The following SBF2 variants were observed in gnomAD, a reference collection of about 807,000 sequenced individuals.
The protein encoded by SBF2 is myotubularin-related protein 13.
SBF2 carries 112 observed loss-of-function variants against 225.2 expected under a neutral mutation model. That is an observed-to-expected ratio of 0.50 (90% CI 0.43 to 0.58). The LOEUF is 0.58. Ranked by LOEUF, SBF2 falls within the 20% of genes least tolerant of loss-of-function variation. The pLI is 0.00. For missense variants in SBF2, 1,996 were observed against 2,206.2 expected (o/e 0.90, Z 1.91); for synonymous variants, 763 against 773.3 (o/e 0.99, Z 0.22).
chr11:10,231,337 TC>T (rs1274426691), intron 1 of SBF2, among the ~76,000 whole-genome samples: 3 of 152,216 alleles, frequency 2.0e-5, no homozygotes, highest in Non-Finnish European at 2.9e-5. Context: ...CCAGCTGTGT[TC>T]CGTTGCTGGT....
At chr11:9,873,205 C>CAAA (rs56013344) in intron 17 of SBF2, among the ~76,000 whole-genome samples, 24 of 60,628 alleles carry the variant, frequency 4.0e-4, no homozygotes, top group African/African-American at 6.0e-4. Context: ...GACTCTGTCT[C>CAAA]AAAAAAAAAA....
At chr11:10,231,396 G>A (rs368502302) in intron 1 of SBF2, among the ~76,000 whole-genome samples, 2 of 152,258 alleles carry the variant, frequency 1.3e-5, no homozygotes, top group South Asian at 4.2e-4. Context: ...GATTTTTAGA[G>A]TCTCTGGTTT....
chr11:9,849,591 AT>A (rs1856782905), intron 22 of SBF2, among the ~76,000 whole-genome samples: 1 of 152,190 alleles, frequency 6.6e-6, no homozygotes, highest in African/African-American at 2.4e-5. Flanking sequence ...GGGAAGTGGG[AT>A]TAGTTGGTGC....
intron 2 of SBF2, among the ~76,000 whole-genome samples, chr11:10,172,919 T>C (rs1389268219): frequency 6.6e-6 from 1 of 151,826 alleles, no homozygotes; most frequent in East Asian, 1.9e-4. Context: ...CCGCCCACCT[T>C]GGCCTCCCAA....
chr11:9,944,921 C>T (rs1865478307), intron 16 of SBF2, among the ~76,000 whole-genome samples: 2 of 151,996 alleles, frequency 1.3e-5, no homozygotes, highest in Admixed American at 1.3e-4. Context: ...ACTTGGGCAA[C>T]AAAGTGAGAC....
At chr11:9,906,006 G>T (rs58982478) in intron 16 of SBF2, among the ~76,000 whole-genome samples, 2 of 152,120 alleles carry the variant, frequency 1.3e-5, no homozygotes, top group Non-Finnish European at 2.9e-5. Context: ...TCTCTGCAAG[G>T]TCTCCATCCT....
intron 2 of SBF2, among the ~76,000 whole-genome samples, chr11:10,071,057 T>C (rs1429962315): frequency 6.6e-6 from 1 of 152,184 alleles, no homozygotes; most frequent in Non-Finnish European, 1.5e-5. Flanking sequence ...AAGGAGGTTT[T>C]GGGCTGAGAC....
chr11:10,149,512 T>C (rs889396314), intron 2 of SBF2: 4 of 152,222 alleles, frequency 2.6e-5, no homozygotes, highest in African/African-American at 9.7e-5. Flanking sequence ...ACTTCTTTTC[T>C]TAAACCTTCA....
intron 1 of SBF2, among the ~76,000 whole-genome samples, chr11:10,267,292 A>G (rs1305861600): frequency 6.6e-6 from 1 of 151,546 alleles, no homozygotes; most frequent in East Asian, 2.0e-4. Context: ...TTAACTTTTA[A>G]AGAAATAAGT....
intron 6 of SBF2, among the ~76,000 whole-genome samples, 167 bp from the exon 7 acceptor site, chr11:10,002,856 C>T (rs1034777077): frequency 2.6e-5 from 4 of 152,192 alleles, no homozygotes; most frequent in Admixed American, 2.6e-4. Flanking sequence ...TTTGTTTTCC[C>T]AAACTTTCAG....
At chr11:9,901,871 C>T (rs1355945702) in intron 16 of SBF2, among the ~76,000 whole-genome samples, 4 of 152,162 alleles carry the variant, frequency 2.6e-5, no homozygotes, top group Non-Finnish European at 5.9e-5. Context: ...AATCAAACTC[C>T]TGAACTCAAG....
At chr11:10,087,362 A>C (rs1338682128) in intron 2 of SBF2, among the ~76,000 whole-genome samples, 1 of 152,190 alleles carries the variant, frequency 6.6e-6, no homozygotes, top group Non-Finnish European at 1.5e-5. Flanking sequence ...TTCAAGAGAC[A>C]AAGATAAACA....
At chr11:10,078,099 T>G (rs185205713) in intron 2 of SBF2, among the ~76,000 whole-genome samples, 1 of 152,186 alleles carries the variant, frequency 6.6e-6, no homozygotes, top group South Asian at 2.1e-4. Flanking sequence ...TACCATCTCA[T>G]GCCATTTAGA....
intron 6 of SBF2, among the ~76,000 whole-genome samples, chr11:10,017,249 G>A (rs1415308204): frequency 6.6e-6 from 1 of 152,152 alleles, no homozygotes; most frequent in Non-Finnish European, 1.5e-5. Context: ...ATAATGATAT[G>A]TTACACAAAT....
intron 2 of SBF2, among the ~76,000 whole-genome samples, chr11:10,172,651 C>T (rs1451645479): frequency 6.6e-6 from 1 of 152,166 alleles, no homozygotes; most frequent in Non-Finnish European, 1.5e-5. Flanking sequence ...CCACGCCTGG[C>T]CAATACAATT....
intron 1 of SBF2, among the ~76,000 whole-genome samples, chr11:10,265,312 A>G (rs1295781079): frequency 1.3e-5 from 2 of 151,808 alleles, no homozygotes; most frequent in Admixed American, 6.6e-5. Context: ...TGTGGTTTTG[A>G]TTTGCATTTC....
intron 25 of SBF2, among the ~76,000 whole-genome samples, chr11:9,842,385 T>G (rs1272638736): frequency 6.6e-6 from 1 of 152,194 alleles, no homozygotes; most frequent in Non-Finnish European, 1.5e-5. Flanking sequence ...GAGACACACA[T>G]AAAAATGACC....
intron 1 of SBF2, among the ~76,000 whole-genome samples, chr11:10,228,962 G>A (rs909111256): frequency 6.6e-6 from 1 of 151,112 alleles, no homozygotes; most frequent in Non-Finnish European, 1.5e-5. Context: ...TTTTTTTTTT[G>A]GTTGGTAAGC....
chr11:10,016,252 C>G (rs1238676362), intron 6 of SBF2, among the ~76,000 whole-genome samples: 1 of 152,072 alleles, frequency 6.6e-6, no homozygotes, highest in Non-Finnish European at 1.5e-5. Context: ...TTAGTAAAAA[C>G]AATCAGTTGA....
Sources: allele counts gnomAD v4.1 joint callset (sites outside exome capture counted in the v4.1 genomes callset), GRCh38; gene constraint gnomAD v4.1.1; transcripts MANE v1.5; gene names NCBI Gene and HGNC (gene_info 2026-07-23, HGNC 2026-07-21).